Variants in ZNF385C observed in about 807,000 individuals in gnomAD.
ZNF385C encodes zinc finger protein 385C.
A neutral mutation model predicts 35.4 loss-of-function variants in ZNF385C; 28 were observed. The observed-to-expected ratio is 0.79, with a 90% CI of 0.59 to 1.08. ZNF385C has a LOEUF of 1.08. Ranked by LOEUF, ZNF385C falls within the 50% of genes least tolerant of loss-of-function variation. The pLI is 0.00. For missense variants in ZNF385C, 605 were observed against 595.6 expected, an observed-to-expected ratio of 1.02 and a Z score of -0.16; for synonymous variants, 248 against 248.2, an observed-to-expected ratio of 1.00 and a Z score of 0.01.
intron 1 of ZNF385C, among the ~76,000 whole-genome samples, chr17:42,071,682 TCA>T (rs1210628596): frequency 1.3e-5 from 2 of 152,210 alleles, no homozygotes; most frequent in Non-Finnish European, 2.9e-5. Flanking sequence ...ATTGCCCTGT[TCA>T]CACTCAGCAG....
rs1042941836 is a variant in ZNF385C at position 42,095,566 on chromosome 17, G to A, written c.-3+2844C>T. 2.0e-5 allele frequency among the ~76,000 whole-genome samples: 3 copies of A among 152,054 alleles called. No homozygotes were observed. The highest frequency in any genetic ancestry group is 7.2e-5 in the African/African-American group (3 of 41,386). On this transcript the variant is annotated intron_variant, in intron 1 of 8. Coordinates refer to ENST00000692273, the MANE Select transcript of ZNF385C (RefSeq NM_001392013.1). The surrounding 1 kb of genome is among the most constrained non-coding windows in gnomAD (Gnocchi z 4.4). ...GTGACCCACACCCTCACCACACACA[G>A]GAGAGAAGTAACCTCTCCTCCCCAG...
rs1314557212 is a variant in ZNF385C at position 42,027,532 on chromosome 17, C to T, written c.1275+86G>A. 5.0e-6 allele frequency: 6 copies of T among 1,193,338 alleles called. No individual in the cohort carries two copies. In the South Asian group the frequency reaches 8.1e-5, roughly 16 times the overall value. 73.9% of individuals were successfully genotyped at this position (1,193,338 alleles called of 1,614,324 possible). ...ATTGCAGGGTGGCCTCTTTTCCTGCCCCACCGCAGCCCCCCCATCTGGCCC... is the reference window on the plus strand; with the variant it reads ...ATTGCAGGGTGGCCTCTTTTCCTGCTCCACCGCAGCCCCCCCATCTGGCCC... On this transcript the variant is annotated intron_variant, in intron 8 of 8. Coordinates refer to ENST00000692273, the MANE Select transcript of ZNF385C (RefSeq NM_001392013.1).
chr17:42,040,652 C>G (rs547906067), intron 2 of ZNF385C: 565 of 1,232,306 alleles, frequency 4.6e-4, no homozygotes, highest in Non-Finnish European at 3.4e-4. Context: ...ACTGCTTCCA[C>G]TACAGGCAGC....
intron 1 of ZNF385C, among the ~76,000 whole-genome samples, chr17:42,091,638 C>G (rs931907786): frequency 6.6e-5 from 10 of 152,166 alleles, no homozygotes; most frequent in South Asian, 2.1e-4. Context: ...CCTGATCCCC[C>G]CTCTGGCCTC....
chr17:42,088,275 C>T (rs2053830031), intron 1 of ZNF385C, among the ~76,000 whole-genome samples: 1 of 152,230 alleles, frequency 6.6e-6, no homozygotes, highest in African/African-American at 2.4e-5. Context: ...GACTTGCCCT[C>T]AGATGGCACT....
intron 4 of ZNF385C, among the ~76,000 whole-genome samples, chr17:42,032,534 T>C (rs781978974): frequency 3.3e-5 from 5 of 152,196 alleles, no homozygotes; most frequent in African/African-American, 7.2e-5. Context: ...AGTGTATCAA[T>C]GCACAAATGG....
intron 1 of ZNF385C, among the ~76,000 whole-genome samples, chr17:42,083,810 C>G (rs1555659937): frequency 1.4e-5 from 2 of 147,746 alleles, no homozygotes; most frequent in African/African-American, 5.0e-5. Context: ...CCTCTGCCTC[C>G]CAGGTTCAAG....
chr17:42,061,939 T>A (rs1181714183), intron 2 of ZNF385C: 1 of 152,904 alleles, frequency 6.5e-6, no homozygotes, highest in Non-Finnish European at 1.5e-5. Context: ...ATTGTGTGTG[T>A]GGAGCGGGGG....
chr17:42,043,036 G>C, intron 2 of ZNF385C: 1 of 1,232,300 alleles, frequency 8.1e-7, no homozygotes, highest in Non-Finnish European at 1.0e-6. Flanking sequence ...GGAGGCAGGG[G>C]TCGTAGCCAG....
chr17:42,028,832 C>A lies in ZNF385C; in HGVS notation c.918G>T (p.Thr306=), dbSNP rs917405519. The change falls in exon 6 of 9, where the codon ACG becomes ACT. Residue 306 remains threonine, a synonymous_variant. Coordinates refer to ENST00000692273, the MANE Select transcript of ZNF385C (RefSeq NM_001392013.1). ...AGGCCGAGTTCACTGTCACCTTACA[C>A]GTGGGGCAGTAGAGGTGCCCCTTCT... ...RSEKGHLYCP[T]CKVTVNSASQ... is the part of the protein sequence containing the mutation. The A allele has an allele frequency of 3.2e-6, 5 of 1,550,480 alleles. No homozygotes were observed. The African/African-American group carries it at 6.8e-5, about 21-fold the overall frequency.
At position 42,028,360 on chromosome 17, in the gene ZNF385C, T is replaced by G. The variant is rs1406004645; in HGVS notation, c.968-114A>C. On this transcript the variant is annotated intron_variant, in intron 6 of 8. Coordinates refer to ENST00000692273, the MANE Select transcript of ZNF385C (RefSeq NM_001392013.1). ...CCCTGTAAGCCTCACGGCTGCTCTG[T>G]GCACACATCGCCCTCCAGCCACACG... is the stretch of plus-strand genomic sequence containing the variant. 5.6e-6 allele frequency: 6 copies of G among 1,069,586 alleles called. No homozygotes were observed. The African/African-American group carries it at 9.5e-5, about 17-fold the overall frequency. 66.3% of individuals were successfully genotyped at this position (1,069,586 alleles called of 1,614,324 possible). A position where few individuals can be genotyped will look rare whatever the true frequency, so the allele number is the denominator to read the frequency against.
chr17:42,027,206 C>G (rs1056705952), intron 8 of ZNF385C, 73 bp from the exon 9 acceptor site: 4 of 1,397,152 alleles, frequency 2.9e-6, no homozygotes, highest in Non-Finnish European at 4.0e-6. Context: ...GGCCCATCCT[C>G]AAGCTTTTTG....
At chr17:42,056,554 G>C (rs1555657555) in intron 2 of ZNF385C, among the ~76,000 whole-genome samples, 1 of 152,174 alleles carries the variant, frequency 6.6e-6, no homozygotes, top group Non-Finnish European at 1.5e-5. Flanking sequence ...TTGGGGCCAA[G>C]AGTTTGAGAC....
chr17:42,052,593 C>T (rs545189681), intron 2 of ZNF385C, among the ~76,000 whole-genome samples: 24 of 152,240 alleles, frequency 1.6e-4, no homozygotes, highest in Non-Finnish European at 2.6e-4. Context: ...CAGATGGGCA[C>T]GAGCAACAAA....
chr17:42,040,896 C>T (rs1393519908), intron 2 of ZNF385C: 12 of 1,232,206 alleles, frequency 9.7e-6, no homozygotes, highest in Non-Finnish European at 1.2e-5. Context: ...GGCCCACACT[C>T]CCCAGGCGCT....
chr17:42,031,527 C>G, intron 5 of ZNF385C, 92 bp downstream of exon 5: 1 of 1,453,566 alleles, frequency 6.9e-7, no homozygotes. Context: ...TACTCCAACA[C>G]AAGCAAAAAG....
At position 42,072,213 on chromosome 17, in the gene ZNF385C, G is replaced by T. The variant is rs1005835574; in HGVS notation, c.-2-9155C>A. 2.0e-5 allele frequency among the ~76,000 whole-genome samples: 3 copies of T among 152,112 alleles called. No homozygotes were observed. The East Asian group carries it at 5.8e-4, about 29-fold the overall frequency. On this transcript the variant is annotated intron_variant, in intron 1 of 8. Transcript: ENST00000692273. ...TTCTCTAAACTTCTTAAGAAAAGAC[G>T]GTGGGTTATCTGGTCGCGCCCCCTA...
chr17:42,090,889 AGAG>A (rs2053859042), intron 1 of ZNF385C, among the ~76,000 whole-genome samples: 1 of 152,120 alleles, frequency 6.6e-6, no homozygotes, highest in African/African-American at 2.4e-5. Context: ...CTCAAAAAAA[AGAG>A]AACCTATCTT....
Position 42,096,453 on chromosome 17 carries a change from C to G in ZNF385C, c.-3+1957G>C, listed in dbSNP as rs978516823. ...AGGGCCAGAGTGGAGCCTTTGAAAG[C>G]CCCCAGCTTAGGGCATGGGCACTCC... On this transcript the variant is annotated intron_variant, in intron 1 of 8. Coordinates refer to ENST00000692273, the MANE Select transcript of ZNF385C (RefSeq NM_001392013.1). Among the ~76,000 whole-genome samples the G allele has an allele frequency of 1.3e-4, 20 of 152,142 alleles. 1 individual carries two copies. The highest frequency in any genetic ancestry group is 1.3e-3 in the Admixed American group (20 of 15,276).
Sources: gnomAD v4.1 joint callset for allele counts (sites outside exome capture counted in the v4.1 genomes callset) on GRCh38, gnomAD v4.1.1 for gene constraint, Gnocchi (gnomAD v3.1) non-coding constraint, MANE v1.5 for transcripts, NCBI Gene and HGNC (gene_info 2026-07-23, HGNC 2026-07-21) for gene names.